The following SOS2 variants were observed in gnomAD, a reference collection of about 807,000 sequenced individuals.
SOS2 encodes SOS Ras/Rho guanine nucleotide exchange factor 2, also known as son of sevenless homolog 2.
SOS2 carries 65 observed loss-of-function variants against 148.2 expected under a neutral mutation model. That is an observed-to-expected ratio of 0.44 (90% CI 0.36 to 0.54). SOS2 has a LOEUF of 0.54. SOS2 is among the 20% of genes least tolerant of loss of function. The probability of loss-of-function intolerance (pLI) is 0.00; values close to 1 mark genes in which losing one functional copy is unlikely to be tolerated. For synonymous variants in SOS2, 539 were observed against 537.1 expected, an observed-to-expected ratio of 1.00 and a Z score of -0.05; for missense variants, 1,341 against 1,590.2, an observed-to-expected ratio of 0.84 and a Z score of 2.67.
At chr14:50,200,822 C>T (rs938365235) in intron 3 of SOS2, 131 bp downstream of exon 3, 4 of 695,122 alleles carry the variant, frequency 5.8e-6, no homozygotes, top group Admixed American at 2.3e-5. Flanking sequence ...TGTGTATGTA[C>T]AAGCATACAT....
chr14:50,140,060 CT>C lies in SOS2; in HGVS notation c.2668-2del. 1 of 1,359,936 alleles carries C rather than the reference CT, an allele frequency of 7.4e-7. No homozygotes were observed. Among genetic ancestry groups the C allele is most frequent in the Non-Finnish European group, 1.0e-6 (1 of 954,230 alleles). The allele number at this position is 1,359,936 out of a possible 1,614,324, so 84.2% of individuals were successfully genotyped here. On this transcript the variant is annotated splice_acceptor_variant, in intron 16 of 22. Transcript: ENST00000216373. LOFTEE classifies it high-confidence loss of function. The stretch of plus-strand genomic sequence containing the variant: ...TTTTCCTTTTCCTTTCCTGCAGTGC[CT>C]TAAAGTATACATAAATTGAGTATAA...
At chr14:50,197,355 T>C (rs1052676227) in intron 4 of SOS2, among the ~76,000 whole-genome samples, 3 of 152,174 alleles carry the variant, frequency 2.0e-5, no homozygotes, top group African/African-American at 7.2e-5. Flanking sequence ...AATCAAGTCA[T>C]CGAAGTCAAC....
intron 8 of SOS2, among the ~76,000 whole-genome samples, chr14:50,173,696 C>T (rs1427416262): frequency 1.3e-5 from 2 of 152,312 alleles, no homozygotes; most frequent in East Asian, 3.9e-4. Context: ...GCTGGGATTA[C>T]AGGCGTGAAC....
chr14:50,158,012 G>C (rs1884873673), intron 11 of SOS2, among the ~76,000 whole-genome samples: 1 of 152,008 alleles, frequency 6.6e-6, no homozygotes, highest in Non-Finnish European at 1.5e-5. Flanking sequence ...AATATTTATA[G>C]ATGAATTATG....
chr14:50,133,245 T>TTC (rs1314289028), intron 19 of SOS2, among the ~76,000 whole-genome samples: 2 of 129,504 alleles, frequency 1.5e-5, no homozygotes, highest in Admixed American at 7.8e-5. Flanking sequence ...CTTTTTTCTT[T>TTC]TTTCTTTTTT....
At chr14:50,121,336 G>A (rs1883500006) in intron 21 of SOS2, among the ~76,000 whole-genome samples, 2 of 152,038 alleles carry the variant, frequency 1.3e-5, no homozygotes, top group Admixed American at 1.3e-4. Context: ...TGTTACAAAG[G>A]CAGCAACTAT....
At chr14:50,129,875 G>T in intron 21 of SOS2, 86 bp downstream of exon 21, 2 of 802,820 alleles carry the variant, frequency 2.5e-6, no homozygotes, top group East Asian at 2.7e-5. Flanking sequence ...CTTTAATATT[G>T]CCAAAACTCA....
At chr14:50,199,280 G>A (rs989988824) in intron 4 of SOS2, among the ~76,000 whole-genome samples, 2 of 152,128 alleles carry the variant, frequency 1.3e-5, no homozygotes, top group African/African-American at 4.8e-5. Flanking sequence ...AATGATCAGA[G>A]GGGAGTAACT....
chr14:50,155,946 T>C (rs1337503248), intron 12 of SOS2: 1 of 152,188 alleles, frequency 6.6e-6, no homozygotes, highest in African/African-American at 2.4e-5. Context: ...CATCTTCTTA[T>C]ACAAAGAATG....
chr14:50,173,946 G>T (rs1885446422), intron 8 of SOS2, among the ~76,000 whole-genome samples: 1 of 152,080 alleles, frequency 6.6e-6, no homozygotes, highest in South Asian at 2.1e-4. Flanking sequence ...ATTTAAAAAT[G>T]CTGGTTTGAC....
At chr14:50,150,552 CTGAT>C (rs1427655321) in intron 13 of SOS2, among the ~76,000 whole-genome samples, 2 of 140,880 alleles carry the variant, frequency 1.4e-5, no homozygotes, top group African/African-American at 2.7e-5. Context: ...ATTTCTCTCT[CTGAT>C]TATTTTCCTT....
At chr14:50,166,117 A>C (rs1485258133) in intron 8 of SOS2, among the ~76,000 whole-genome samples, 1 of 152,240 alleles carries the variant, frequency 6.6e-6, no homozygotes, top group African/African-American at 2.4e-5. Flanking sequence ...GAGTTTAAGA[A>C]ATAAAATGAA....
intron 16 of SOS2, among the ~76,000 whole-genome samples, chr14:50,143,587 A>T (rs746292013): frequency 6.6e-6 from 1 of 152,052 alleles, no homozygotes; most frequent in African/African-American, 2.4e-5. Context: ...GCAAACCAGC[A>T]CATACCACCA....
At chr14:50,122,391 C>CTTTTTTTTTTTTTTCTTTTTTTT (rs1883542725) in intron 21 of SOS2, among the ~76,000 whole-genome samples, 2 of 88,292 alleles carry the variant, frequency 2.3e-5, no homozygotes, top group African/African-American at 9.6e-5. Flanking sequence ...GAACCCTGGG[C>CTTTTTTTTTTTTTTCTTTTTTTT]TTTTTTTTTT....
At chr14:50,211,124 A>T (rs995913954) in intron 1 of SOS2, among the ~76,000 whole-genome samples, 1 of 152,136 alleles carries the variant, frequency 6.6e-6, no homozygotes, top group Admixed American at 6.6e-5. Flanking sequence ...GTGGGTACTG[A>T]ACACCTGAAA....
chr14:50,164,987 A>ACTATCCACTCAGTTCCTTC lies in SOS2; in HGVS notation c.1069-3397_1069-3379dup, dbSNP rs143861492. Among the ~76,000 whole-genome samples the ACTATCCACTCAGTTCCTTC allele has an allele frequency of 4.7e-3, 717 of 152,314 alleles. 5 individuals carry two copies. Among genetic ancestry groups the ACTATCCACTCAGTTCCTTC allele is most frequent in the African/African-American group, 0.016 (661 of 41,576 alleles). ...AGATCGTTTTTTTAGTAGTTGTGAT[A>ACTATCCACTCAGTTCCTTC]CTATCCACTCAGTTCCTTCCAGAGG... On this transcript the variant is annotated intron_variant, in intron 8 of 22. Transcript: ENST00000216373.
intron 1 of SOS2, among the ~76,000 whole-genome samples, chr14:50,206,780 G>A (rs998122715): frequency 5.5e-5 from 8 of 145,770 alleles, no homozygotes; most frequent in South Asian, 2.2e-4. Flanking sequence ...TAATCACGTC[G>A]TCAGAAAACA....
chr14:50,178,909 T>A (rs193259663), intron 7 of SOS2, among the ~76,000 whole-genome samples: 1 of 151,790 alleles, frequency 6.6e-6, no homozygotes, highest in African/African-American at 2.4e-5. Flanking sequence ...AATTTTTGCA[T>A]TTTTTAGTAG....
chr14:50,142,293 C>T (rs928857624), intron 16 of SOS2, among the ~76,000 whole-genome samples: 18 of 152,252 alleles, frequency 1.2e-4, no homozygotes, highest in Non-Finnish European at 5.9e-5. Context: ...CAGGCATGAG[C>T]CACTGCCCCC....
Sources: allele counts gnomAD v4.1 joint callset (sites outside exome capture counted in the v4.1 genomes callset), GRCh38; gene constraint gnomAD v4.1.1; transcripts MANE v1.5; gene names NCBI Gene and HGNC (gene_info 2026-07-23, HGNC 2026-07-21).